Variants in NR2C1 observed in about 807,000 individuals in gnomAD.
NR2C1 encodes the protein nuclear receptor subfamily 2 group C member 1.
In NR2C1, 33 loss-of-function variants were observed where a neutral mutation model predicts 74.8. The ratio of observed to expected loss-of-function variants is 0.44; its 90% CI spans 0.33 to 0.59. The LOEUF (loss-of-function observed/expected upper bound fraction) is 0.59, where lower values mean the gene tolerates loss of function less well. Ranked by LOEUF, NR2C1 falls within the 20% of genes least tolerant of loss-of-function variation. NR2C1 has a pLI of 0.02. For synonymous variants in NR2C1, 225 were observed against 240.6 expected (o/e 0.94, Z 0.60); for missense variants, 568 against 715.6 (o/e 0.79, Z 2.35).
At position 95,062,721 on chromosome 12, in the gene NR2C1, T is replaced by C. The variant is rs1327922882; in HGVS notation, c.72A>G (p.Gln24=). 11 of 1,613,656 alleles carry C rather than the reference T, an allele frequency of 6.8e-6. No homozygotes were observed. Among genetic ancestry groups the C allele is most frequent in the African/African-American group, 4.0e-5 (3 of 74,934 alleles). The change falls in exon 3 of 14, where the codon CAA becomes CAG. Residue 24 remains glutamine, a synonymous_variant. Transcript: ENST00000333003. ...TCACAATCTGGATTTTCTGCCCAGTTTGCTGCTCTGTAACAATCTAACAAA... is the reference window on the plus strand; with the variant it reads ...TCACAATCTGGATTTTCTGCCCAGTCTGCTGCTCTGTAACAATCTAACAAA... ...QQMGEIVTEQ[Q]TGQKIQIVTA...
chr12:95,063,003 T>C (rs1237743770), intron 2 of NR2C1: 2 of 484,544 alleles, frequency 4.1e-6, no homozygotes, highest in Non-Finnish European at 7.4e-6. Flanking sequence ...AAACATATAT[T>C]GGGTGATTTA....
At chr12:95,048,450 C>T (rs185912335) in intron 9 of NR2C1, among the ~76,000 whole-genome samples, 3 of 152,254 alleles carry the variant, frequency 2.0e-5, no homozygotes, top group Non-Finnish European at 2.9e-5. Context: ...AACTTTTAAA[C>T]GCAATAACTG....
intron 7 of NR2C1, among the ~76,000 whole-genome samples, chr12:95,057,000 C>G (rs1874006950): frequency 6.7e-6 from 1 of 149,322 alleles, no homozygotes; most frequent in South Asian, 2.1e-4. Context: ...TAATAAATGT[C>G]TTACTGAGGA....
At position 95,067,996 on chromosome 12, in the gene NR2C1, T is replaced by C. The variant is rs147496029; in HGVS notation, c.-7-605A>G. ...CCTGGGTTCATGCCATTCTCCTGCC[T>C]CAGCCTCCCAAGTAGCTGGGACTAG... On this transcript the variant is annotated intron_variant, in intron 1 of 13. Coordinates refer to ENST00000333003, the MANE Select transcript of NR2C1 (RefSeq NM_003297.4). Among the ~76,000 whole-genome samples the C allele has an allele frequency of 7.2e-3, 1,078 of 150,096 alleles. 11 individuals carry two copies. The highest frequency in any genetic ancestry group is 0.023 in the African/African-American group (962 of 40,992).
intron 11 of NR2C1, chr12:95,030,545 T>C: frequency 1.9e-6 from 3 of 1,611,372 alleles, no homozygotes; most frequent in African/African-American, 2.7e-5. Flanking sequence ...GAACCAGGGG[T>C]AGGAGTCCAT....
chr12:95,072,698 G>C (rs955882620), intron 1 of NR2C1: 30 of 152,220 alleles, frequency 2.0e-4, no homozygotes, highest in African/African-American at 7.2e-4. Flanking sequence ...ATCTGCCCGA[G>C]TTGGAAGAAT....
chr12:95,027,939 C>T (rs182847951), intron 12 of NR2C1, among the ~76,000 whole-genome samples: 29 of 152,154 alleles, frequency 1.9e-4, no homozygotes, highest in African/African-American at 5.8e-4. Flanking sequence ...ACCTATTTTG[C>T]GTATTTTATA....
intron 9 of NR2C1, among the ~76,000 whole-genome samples, chr12:95,045,347 G>A (rs1872180593): frequency 6.6e-6 from 1 of 152,120 alleles, no homozygotes; most frequent in Non-Finnish European, 1.5e-5. Flanking sequence ...CATAACATAT[G>A]GGCAATGGGA....
intron 3 of NR2C1, among the ~76,000 whole-genome samples, chr12:95,060,270 G>A (rs1874590378): frequency 6.6e-6 from 1 of 152,196 alleles, no homozygotes; most frequent in South Asian, 2.1e-4. Context: ...TCATGCAGAT[G>A]TGCTCGCTAT....
At chr12:95,036,238 T>C (rs991290393) in intron 10 of NR2C1, among the ~76,000 whole-genome samples, 3 of 132,042 alleles carry the variant, frequency 2.3e-5, no homozygotes, top group African/African-American at 8.7e-5. Context: ...AGGTTATCAC[T>C]AAGGCATCTA....
At chr12:95,037,131 G>A (rs1228565709) in intron 10 of NR2C1, among the ~76,000 whole-genome samples, 1 of 152,120 alleles carries the variant, frequency 6.6e-6, no homozygotes, top group Non-Finnish European at 1.5e-5. Context: ...GTGGTGGCTT[G>A]GAGCTTTTGG....
intron 12 of NR2C1, among the ~76,000 whole-genome samples, chr12:95,027,850 C>A (rs1041263428): frequency 1.3e-5 from 2 of 152,158 alleles, no homozygotes; most frequent in African/African-American, 2.4e-5. Flanking sequence ...AACACTCTAC[C>A]CATTAGCAGT....
In NR2C1 at chr12:95,022,221, C is replaced by A; in HGVS notation, c.*8G>T. 1 of 1,604,318 alleles carries A rather than the reference C, an allele frequency of 6.2e-7. No individual in the cohort carries two copies. The highest frequency in any genetic ancestry group is 1.1e-5 in the South Asian group (1 of 89,252). ...ACAGTTAAGTTTACAGCACTGCAGT[C>A]ACAGTTTTCAAATGCTGTGACCAAT... On this transcript the variant is annotated 3_prime_UTR_variant, in exon 14 of 14. Coordinates refer to ENST00000333003, the MANE Select transcript of NR2C1 (RefSeq NM_003297.4).
At chr12:95,038,340 T>C (rs2136120008) in intron 10 of NR2C1, among the ~76,000 whole-genome samples, 1 of 152,340 alleles carries the variant, frequency 6.6e-6, no homozygotes, top group South Asian at 2.1e-4. Context: ...CTCCCCAAAA[T>C]TCCTCCCTTT....
chr12:95,040,491 G>C lies in NR2C1; in HGVS notation c.1238C>G (p.Ser413Cys). ...AAACACTCACCCTAGAGCCTGGAAAGAAGGAATCGAAAGTGCCCAGTGCAT... is the reference window on the plus strand; with the variant it reads ...AAACACTCACCCTAGAGCCTGGAAACAAGGAATCGAAAGTGCCCAGTGCAT... Reference protein sequence around the residue: ...LSMHWALSIPSFQALGQENSI... With the variant: ...LSMHWALSIPCFQALGQENSI... Residue 413 changes from serine to cysteine, a missense_variant, in exon 10 of 14, where the codon TCT becomes TGT. Ser to Cys is a moderately radical substitution (Grantham distance 112). Coordinates refer to ENST00000333003, the MANE Select transcript of NR2C1 (RefSeq NM_003297.4). The C allele has an allele frequency of 6.2e-7, 1 of 1,613,694 alleles. No individual in the cohort carries two copies. Among genetic ancestry groups the C allele is most frequent in the South Asian group, 1.1e-5 (1 of 91,020 alleles).
At chr12:95,069,283 G>T (rs1479097477) in intron 1 of NR2C1, among the ~76,000 whole-genome samples, 1 of 152,166 alleles carries the variant, frequency 6.6e-6, no homozygotes, top group African/African-American at 2.4e-5. Flanking sequence ...TTATCTGAAT[G>T]AATTCCAGGG....
chr12:95,038,445 A>G (rs1871128038), intron 10 of NR2C1, among the ~76,000 whole-genome samples: 1 of 152,242 alleles, frequency 6.6e-6, no homozygotes, highest in African/African-American at 2.4e-5. Flanking sequence ...TGAGTGAACT[A>G]CACTTAATAT....
chr12:95,025,124 A>G (rs777420114), intron 13 of NR2C1, 26 bp downstream of exon 13: 7 of 1,041,966 alleles, frequency 6.7e-6, no homozygotes, highest in Non-Finnish European at 9.9e-6. Context: ...AATTATTTTA[A>G]TTATATAGAA....
intron 10 of NR2C1, 124 bp from the exon 11 acceptor site, chr12:95,031,612 G>A: frequency 1.5e-6 from 1 of 675,390 alleles, no homozygotes; most frequent in Non-Finnish European, 2.2e-6. Context: ...AGAAAGATTT[G>A]AGCAAGTCTG....
Sources: gnomAD v4.1 joint callset for allele counts (sites outside exome capture counted in the v4.1 genomes callset) on GRCh38, gnomAD v4.1.1 for gene constraint, MANE v1.5 for transcripts, NCBI Gene and HGNC (gene_info 2026-07-23, HGNC 2026-07-21) for gene names.